LARS1: variants seen among roughly 807,000 people sequenced by gnomAD.
The protein encoded by LARS1 is leucine--tRNA ligase, cytoplasmic.
In LARS1, 100 loss-of-function variants were observed where a neutral mutation model predicts 162.8. The ratio of observed to expected loss-of-function variants is 0.61; its 90% CI spans 0.52 to 0.73. LARS1 has a LOEUF of 0.73. LARS1 is among the 30% of genes least tolerant of loss of function. LARS1 has a pLI of 0.00. For synonymous variants in LARS1, 457 were observed against 462.8 expected, an observed-to-expected ratio of 0.99 and a Z score of 0.16; for missense variants, 1,258 against 1,408.9, an observed-to-expected ratio of 0.89 and a Z score of 1.71.
chr5:146,167,326 T>A (rs1754055638), intron 5 of LARS1, among the ~76,000 whole-genome samples: 1 of 152,174 alleles, frequency 6.6e-6, no homozygotes, highest in African/African-American at 2.4e-5. Flanking sequence ...TTAACATCTA[T>A]ATACTATCTT....
Position 146,114,294 on chromosome 5 carries a change from G to GT in LARS1, c.3342dup (p.Leu1115ThrfsTer5). ...AACAGTGGATCATCAAATCTCATCAGTTTCACTTTGGAAAGGTCTACAACA... is the reference window on the plus strand; with the variant it reads ...AACAGTGGATCATCAAATCTCATCAGTTTTCACTTTGGAAAGGTCTACAACA... On this transcript the variant is annotated frameshift_variant, in exon 32 of 32. Coordinates refer to ENST00000394434, the MANE Select transcript of LARS1 (RefSeq NM_020117.11). LOFTEE classifies it high-confidence loss of function. 1 of 1,613,472 alleles carries GT rather than the reference G, an allele frequency of 6.2e-7. No individual in the cohort carries two copies. Among genetic ancestry groups the GT allele is most frequent in the Non-Finnish European group, 8.5e-7 (1 of 1,179,820 alleles).
Position 146,168,238 on chromosome 5 carries a change from T to C in LARS1, c.322A>G (p.Ile108Val). Residue 108 changes from isoleucine to valine, a missense_variant, in exon 5 of 32, where the codon ATA (isoleucine) becomes GTA (valine). Coordinates refer to ENST00000394434, the MANE Select transcript of LARS1 (RefSeq NM_020117.11). ...TCAGGGGGGCAACCATACAGCTCTA[T>C]TTCTCTTTTCAACTTATCAGCACAT... ...KACADKLKREIELYGCPPDFP... is the reference protein window; with the variant it reads ...KACADKLKREVELYGCPPDFP... 7 of 1,613,112 alleles carry C rather than the reference T, an allele frequency of 4.3e-6. No homozygotes were observed. Among genetic ancestry groups the C allele is most frequent in the Non-Finnish European group, 5.1e-6 (6 of 1,179,742 alleles).
intron 10 of LARS1, among the ~76,000 whole-genome samples, chr5:146,155,434 T>A (rs978090446): frequency 3.3e-5 from 5 of 152,186 alleles, no homozygotes; most frequent in African/African-American, 9.6e-5. Context: ...AGAACAAGAA[T>A]GGGTACTATA....
At chr5:146,150,074 G>A (rs1753207335) in intron 14 of LARS1, among the ~76,000 whole-genome samples, 2 of 152,100 alleles carry the variant, frequency 1.3e-5, no homozygotes, top group African/African-American at 4.8e-5. Context: ...ATCTAATTAG[G>A]CTCCTCTTTC....
intron 15 of LARS1, among the ~76,000 whole-genome samples, chr5:146,147,586 A>C (rs1311250754): frequency 6.6e-6 from 1 of 152,176 alleles, no homozygotes; most frequent in Non-Finnish European, 1.5e-5. Flanking sequence ...GTATTCATAC[A>C]CACACACAAA....
At chr5:146,164,156 T>C (rs1391325385) in intron 6 of LARS1, among the ~76,000 whole-genome samples, 154 bp downstream of exon 6, 1 of 152,220 alleles carries the variant, frequency 6.6e-6, no homozygotes, top group Non-Finnish European at 1.5e-5. Flanking sequence ...CAAATGCTGT[T>C]GGAAAAATGG....
chr5:146,161,484 T>A (rs1753773933), intron 6 of LARS1, among the ~76,000 whole-genome samples: 1 of 152,160 alleles, frequency 6.6e-6, no homozygotes, highest in Non-Finnish European at 1.5e-5. Context: ...ATTCCAGCAC[T>A]TTGGGAGGCC....
chr5:146,129,023 G>T lies in LARS1; in HGVS notation c.2724C>A (p.Asp908Glu). 6.2e-7 allele frequency: 1 copy of T among 1,611,158 alleles called. No homozygotes were observed. Among genetic ancestry groups the T allele is most frequent in the Non-Finnish European group, 8.5e-7 (1 of 1,178,754 alleles). ...SSQYLMEVTH[D>E]LRLRLKNYMM... ...TATAGTTCTTGAGTCGTAGTCTAAG[G>T]TCATGTGTTACTTCCATAAGATACT... Residue 908 changes from aspartate (D) to glutamate (E), a missense_variant, in exon 26 of 32, where the codon GAC (aspartate) becomes GAA (glutamate). Asp to Glu is a conservative substitution (Grantham distance 45). Coordinates refer to ENST00000394434, the MANE Select transcript of LARS1 (RefSeq NM_020117.11).
chr5:146,140,900 TATATACACAC>T (rs1752749775), intron 20 of LARS1, among the ~76,000 whole-genome samples: 1 of 152,052 alleles, frequency 6.6e-6, no homozygotes, highest in Non-Finnish European at 1.5e-5. Flanking sequence ...TATATACACA[TATATACACAC>T]ATATACATGT....
At chr5:146,115,878 G>C (rs961150559) in intron 31 of LARS1, among the ~76,000 whole-genome samples, 2 of 152,160 alleles carry the variant, frequency 1.3e-5, no homozygotes, top group Non-Finnish European at 2.9e-5. Context: ...ACACACCTGA[G>C]CTACCCTCCC....
intron 6 of LARS1, 88 bp downstream of exon 6, chr5:146,164,222 T>G (rs1355060971): frequency 4.5e-6 from 6 of 1,328,646 alleles, no homozygotes; most frequent in Non-Finnish European, 6.3e-6. Flanking sequence ...GTAAAAAAAA[T>G]CCATGTCTGG....
Position 146,151,244 on chromosome 5 carries a change from G to C in LARS1, c.1425+618C>G, listed in dbSNP as rs568157634. Among the ~76,000 whole-genome samples the C allele has an allele frequency of 3.3e-5, 5 of 152,142 alleles. No homozygotes were observed. In the East Asian group the frequency reaches 9.7e-4, roughly 29 times the overall value. On this transcript the variant is annotated intron_variant, in intron 14 of 31. Coordinates refer to ENST00000394434, the MANE Select transcript of LARS1 (RefSeq NM_020117.11). Reference sequence around the variant, plus strand: ...AAAAAAAGAAATGTAACCAATTCTTGGTTATCCAGAAAAATGTAGGAAAGC... The same window carrying C: ...AAAAAAAGAAATGTAACCAATTCTTCGTTATCCAGAAAAATGTAGGAAAGC...
Position 146,153,183 on chromosome 5 carries a change from T to C in LARS1, c.1275A>G (p.Pro425=). 1 of 1,613,048 alleles carries C rather than the reference T, an allele frequency of 6.2e-7. No individual in the cohort carries two copies. The highest frequency in any genetic ancestry group is 8.5e-7 in the Non-Finnish European group (1 of 1,179,300). The change falls in exon 13 of 32, where the codon CCA becomes CCG. Residue 425 remains proline, a synonymous_variant. Transcript: ENST00000394434. ...TTATCTATGTACTCACCGGCTCAAA[T>C]GGCAAGACCATGTCATCTCTAATTC... The part of the protein sequence containing the change: ...KYGIRDDMVL[P]FEPVPVIEIP...
chr5:146,144,109 T>C (rs947902958), intron 18 of LARS1, among the ~76,000 whole-genome samples, 158 bp downstream of exon 18: 3 of 152,178 alleles, frequency 2.0e-5, no homozygotes, highest in East Asian at 3.8e-4. Flanking sequence ...CAGTAGATGA[T>C]AGTGGACTAT....
At chr5:146,143,313 T>C (rs1752874592) in intron 19 of LARS1, 99 bp downstream of exon 19, 1 of 1,452,286 alleles carries the variant, frequency 6.9e-7, no homozygotes, top group Non-Finnish European at 9.3e-7. Context: ...CATGACAAAA[T>C]TCTGTGAAAT....
In LARS1 at chr5:146,153,989, G is replaced by A. The variant is rs1753412172; in HGVS notation, c.1066-9C>T. ...GATGCACCAAGAATTTCCTGCATAA[G>A]AAAAAAATCAATATAAAAGGTGAAG... On this transcript the variant is annotated splice_polypyrimidine_tract_variant and intron_variant, in intron 10 of 31. Coordinates refer to ENST00000394434, the MANE Select transcript of LARS1 (RefSeq NM_020117.11). 1 of 1,572,072 alleles carries A rather than the reference G, an allele frequency of 6.4e-7. No individual in the cohort carries two copies. The highest frequency in any genetic ancestry group is 8.7e-7 in the Non-Finnish European group (1 of 1,155,922).
intron 29 of LARS1, among the ~76,000 whole-genome samples, chr5:146,123,071 T>C (rs1303553224): frequency 6.6e-6 from 1 of 152,018 alleles, no homozygotes; most frequent in African/African-American, 2.4e-5. Context: ...CATGAATATA[T>C]ATGAACATTT....
intron 27 of LARS1, among the ~76,000 whole-genome samples, chr5:146,127,757 T>C (rs1246029976): frequency 1.3e-5 from 2 of 152,102 alleles, no homozygotes; most frequent in African/African-American, 2.4e-5. Flanking sequence ...AAGGTGGAAA[T>C]AGTTCTCCAC....
In LARS1 at chr5:146,132,913, T is replaced by C. The variant is rs887219965; in HGVS notation, c.2381A>G (p.Asp794Gly). 5 of 1,613,480 alleles carry C rather than the reference T, an allele frequency of 3.1e-6. No individual in the cohort carries two copies. Among genetic ancestry groups the C allele is most frequent in the South Asian group, 1.1e-5 (1 of 91,000 alleles). Residue 794 changes from aspartate to glycine, a missense_variant, in exon 23 of 32, where the codon GAT (aspartate) becomes GGT (glycine). Physicochemically the swap from Asp to Gly is moderately conservative, Grantham distance 94. Transcript: ENST00000394434. The part of the protein sequence containing the change: ...LRSGPASTFN[D>G]RVFASELNAG... ...TACAGATTACCTGGCAAAAACTCTA[T>C]CATTGAAAGTGCTGGCAGGACCACT...
Sources: allele counts gnomAD v4.1 joint callset (sites outside exome capture counted in the v4.1 genomes callset), GRCh38; gene constraint gnomAD v4.1.1; transcripts MANE v1.5; gene names NCBI Gene and HGNC (gene_info 2026-07-23, HGNC 2026-07-21).